The following GPR158 variants were observed in gnomAD, a reference collection of about 807,000 sequenced individuals.
GPR158 encodes the protein G protein-coupled receptor 158.
A neutral mutation model predicts 78.2 loss-of-function variants in GPR158; 30 were observed. The observed-to-expected ratio is 0.38, with a 90% CI of 0.29 to 0.52. The LOEUF (loss-of-function observed/expected upper bound fraction) is 0.52, where lower values mean the gene tolerates loss of function less well. Ranked by LOEUF, GPR158 falls within the 20% of genes least tolerant of loss-of-function variation. The pLI is 0.83. For synonymous variants in GPR158, 581 were observed against 591.1 expected (o/e 0.98, Z 0.25); for missense variants, 1,463 against 1,523.5 (o/e 0.96, Z 0.66).
At chr10:25,398,201 C>T (rs915265850) in intron 3 of GPR158, among the ~76,000 whole-genome samples, 1 of 152,206 alleles carries the variant, frequency 6.6e-6, no homozygotes, top group Admixed American at 6.5e-5. Flanking sequence ...TGTGCCAAGA[C>T]TTCTATTCAA....
intron 2 of GPR158, among the ~76,000 whole-genome samples, chr10:25,394,444 T>G (rs1344474483): frequency 6.6e-6 from 1 of 152,258 alleles, no homozygotes; most frequent in Admixed American, 6.5e-5. Context: ...TTACATAGTT[T>G]AGAAATATGA....
At chr10:25,474,040 G>T (rs1319576985) in intron 5 of GPR158, among the ~76,000 whole-genome samples, 1 of 152,074 alleles carries the variant, frequency 6.6e-6, no homozygotes, top group Non-Finnish European at 1.5e-5. Context: ...AGTGAAAAGA[G>T]GGAAGCAGAA....
intron 5 of GPR158, among the ~76,000 whole-genome samples, chr10:25,538,613 T>C (rs116405712): frequency 0.016 from 2,494 of 152,296 alleles, 55 homozygotes; most frequent in African/African-American, 0.057. Flanking sequence ...CTGCCTCATG[T>C]GATCTTCCTG....
At chr10:25,453,504 G>A (rs1353024095) in intron 4 of GPR158, among the ~76,000 whole-genome samples, 1 of 151,850 alleles carries the variant, frequency 6.6e-6, no homozygotes, top group Non-Finnish European at 1.5e-5. Context: ...GTGATGTTGA[G>A]CACATTTTCA....
At chr10:25,285,291 A>ATATGTATGTATG (rs568296952) in intron 2 of GPR158, among the ~76,000 whole-genome samples, 118 of 151,928 alleles carry the variant, frequency 7.8e-4, no homozygotes, top group African/African-American at 2.7e-3. Flanking sequence ...GTATGCATTG[A>ATATGTATGTATG]TATGTATGTA....
intron 2 of GPR158, among the ~76,000 whole-genome samples, chr10:25,349,279 C>T (rs554706461): frequency 8.7e-4 from 133 of 152,044 alleles, no homozygotes; most frequent in African/African-American, 3.0e-3. Flanking sequence ...GACCCTCCTA[C>T]CTTCCCTTCA....
chr10:25,386,350 G>A (rs1834221331), intron 2 of GPR158, among the ~76,000 whole-genome samples: 1 of 152,088 alleles, frequency 6.6e-6, no homozygotes, highest in African/African-American at 2.4e-5. Flanking sequence ...GCTTTGTAGT[G>A]TGTTTTGAAA....
intron 4 of GPR158, among the ~76,000 whole-genome samples, chr10:25,426,526 C>G (rs981198424): frequency 1.3e-5 from 2 of 151,812 alleles, no homozygotes; most frequent in Admixed American, 1.3e-4. Flanking sequence ...ATTAATTGAC[C>G]TAATTTGAAG....
intron 2 of GPR158, among the ~76,000 whole-genome samples, chr10:25,283,921 T>A (rs539233753): frequency 0.012 from 1,825 of 152,216 alleles, 24 homozygotes; most frequent in South Asian, 0.057. Context: ...TTTGGGGATT[T>A]CCATGCTATT....
At chr10:25,565,885 C>T (rs1836923094) in intron 6 of GPR158, among the ~76,000 whole-genome samples, 1 of 152,094 alleles carries the variant, frequency 6.6e-6, no homozygotes. Context: ...ACAAAGCTTC[C>T]ACAGTGTGGA....
At chr10:25,434,327 C>T (rs1834967667) in intron 4 of GPR158, among the ~76,000 whole-genome samples, 1 of 152,066 alleles carries the variant, frequency 6.6e-6, no homozygotes, top group South Asian at 2.1e-4. Context: ...GCTCTATTAC[C>T]ACATTCTCTT....
intron 2 of GPR158, among the ~76,000 whole-genome samples, chr10:25,303,196 T>C (rs1854624621): frequency 6.6e-6 from 1 of 152,242 alleles, no homozygotes; most frequent in Non-Finnish European, 1.5e-5. Flanking sequence ...CGTGTAGCTA[T>C]ATAAATTTAC....
intron 4 of GPR158, among the ~76,000 whole-genome samples, chr10:25,420,655 GA>G (rs112453540): frequency 0.014 from 2,141 of 152,232 alleles, 49 homozygotes; most frequent in African/African-American, 0.049. Flanking sequence ...TATAAGATCA[GA>G]ATCCAACTTC....
chr10:25,379,916 G>C (rs971777277), intron 2 of GPR158, among the ~76,000 whole-genome samples: 4 of 150,984 alleles, frequency 2.6e-5, no homozygotes, highest in Non-Finnish European at 5.9e-5. Context: ...CTTGGATCTT[G>C]GTCCCTCCAT....
At chr10:25,526,103 TAAA>T (rs4017850) in intron 5 of GPR158, among the ~76,000 whole-genome samples, 18,730 of 69,590 alleles carry the variant, frequency 0.27, 1,873 homozygotes, top group African/African-American at 0.37. Flanking sequence ...CAATTTTGTC[TAAA>T]AAAAAAAAAA....
At chr10:25,294,326 G>A (rs1355800236) in intron 2 of GPR158, among the ~76,000 whole-genome samples, 3 of 151,976 alleles carry the variant, frequency 2.0e-5, no homozygotes, top group East Asian at 1.9e-4. Flanking sequence ...AATTTCTAAC[G>A]AATATTAAAA....
intron 2 of GPR158, among the ~76,000 whole-genome samples, chr10:25,358,416 T>G (rs1855582444): frequency 6.6e-6 from 1 of 152,018 alleles, no homozygotes; most frequent in Admixed American, 6.6e-5. Context: ...ATTTTGTAGC[T>G]CCCATAATTC....
chr10:25,399,161 A>AG (rs1259221942), intron 3 of GPR158, among the ~76,000 whole-genome samples: 1 of 152,130 alleles, frequency 6.6e-6, no homozygotes, highest in Non-Finnish European at 1.5e-5. Flanking sequence ...TGTCGAGCGA[A>AG]GGGGGAAGGC....
intron 2 of GPR158, among the ~76,000 whole-genome samples, chr10:25,305,899 G>A (rs1294430560): frequency 3.3e-5 from 5 of 152,248 alleles, no homozygotes; most frequent in African/African-American, 1.2e-4. Flanking sequence ...TTTGGTTTAA[G>A]TTTGTGGCTC....
Sources: gnomAD v4.1 joint callset for allele counts (sites outside exome capture counted in the v4.1 genomes callset) on GRCh38, gnomAD v4.1.1 for gene constraint, MANE v1.5 for transcripts, NCBI Gene and HGNC (gene_info 2026-07-23, HGNC 2026-07-21) for gene names.